EPHA6: variants seen among roughly 807,000 people sequenced by gnomAD.
EPHA6 encodes ephrin type-A receptor 6.
A neutral mutation model predicts 112.0 loss-of-function variants in EPHA6; 50 were observed. The observed-to-expected ratio is 0.45, with a 90% CI of 0.36 to 0.56. The LOEUF (loss-of-function observed/expected upper bound fraction) is 0.56. EPHA6 is among the 20% of genes least tolerant of loss of function. The pLI, the probability that EPHA6 is intolerant of heterozygous loss-of-function variation, is 0.00. For synonymous variants in EPHA6, 529 were observed against 490.7 expected, an observed-to-expected ratio of 1.08 and a Z score of -1.03; for missense variants, 1,280 against 1,417.4, an observed-to-expected ratio of 0.90 and a Z score of 1.56.
chr3:97,117,226 C>A (rs942545782), intron 3 of EPHA6, among the ~76,000 whole-genome samples: 31 of 151,614 alleles, frequency 2.0e-4, no homozygotes, highest in Middle Eastern at 3.4e-3. Flanking sequence ...TGGATATCAA[C>A]CTCTTATAAG....
At chr3:97,118,158 T>C (rs970260507) in intron 3 of EPHA6, among the ~76,000 whole-genome samples, 4 of 151,874 alleles carry the variant, frequency 2.6e-5, no homozygotes, top group Non-Finnish European at 5.9e-5. Context: ...AGCAACTTTA[T>C]ATACAAAAGA....
At chr3:96,852,379 A>T (rs1286435061) in intron 1 of EPHA6, among the ~76,000 whole-genome samples, 1 of 152,136 alleles carries the variant, frequency 6.6e-6, no homozygotes, top group East Asian at 1.9e-4. Context: ...CAGTGAGCTG[A>T]GATGGCACCA....
chr3:97,182,738 T>C (rs1355769604), intron 3 of EPHA6, among the ~76,000 whole-genome samples: 2 of 152,114 alleles, frequency 1.3e-5, no homozygotes, highest in East Asian at 3.9e-4. Flanking sequence ...GTTTTCTTCA[T>C]TGATATTTTA....
chr3:97,025,160 T>G (rs1267185433), intron 3 of EPHA6, among the ~76,000 whole-genome samples: 2 of 152,174 alleles, frequency 1.3e-5, no homozygotes, highest in African/African-American at 4.8e-5. Context: ...TTTATGAGGA[T>G]TAAATGAGAT....
chr3:97,451,109 T>G (rs1398933333), intron 7 of EPHA6, among the ~76,000 whole-genome samples: 1 of 151,944 alleles, frequency 6.6e-6, no homozygotes, highest in Non-Finnish European at 1.5e-5. Context: ...TGGTGGTAGA[T>G]GAAGGTGGAG....
intron 7 of EPHA6, among the ~76,000 whole-genome samples, chr3:97,456,460 C>T (rs893383524): frequency 6.6e-6 from 1 of 151,958 alleles, no homozygotes; most frequent in African/African-American, 2.4e-5. Context: ...TTGCATGCAC[C>T]TGGCAAGTAG....
chr3:97,507,409 CTATT>C (rs1370082227), intron 10 of EPHA6, among the ~76,000 whole-genome samples: 2 of 152,164 alleles, frequency 1.3e-5, no homozygotes, highest in Non-Finnish European at 2.9e-5. Flanking sequence ...TTTTCTGCAT[CTATT>C]AAGATATTCT....
At chr3:97,108,172 C>T (rs2047622312) in intron 3 of EPHA6, among the ~76,000 whole-genome samples, 1 of 152,088 alleles carries the variant, frequency 6.6e-6, no homozygotes, top group African/African-American at 2.4e-5. Flanking sequence ...GGATGTTACC[C>T]ACCACAGGAA....
At chr3:96,936,762 C>T (rs1418521892) in intron 2 of EPHA6, among the ~76,000 whole-genome samples, 1 of 152,108 alleles carries the variant, frequency 6.6e-6, no homozygotes, top group Non-Finnish European at 1.5e-5. Flanking sequence ...CTCACCACTC[C>T]TCCGACCCCA....
chr3:97,452,673 G>A (rs1198195321), intron 7 of EPHA6, among the ~76,000 whole-genome samples: 1 of 151,590 alleles, frequency 6.6e-6, no homozygotes, highest in East Asian at 1.9e-4. Flanking sequence ...TTTCTTGGGA[G>A]ATAGTTGGAA....
intron 15 of EPHA6, among the ~76,000 whole-genome samples, chr3:97,735,412 G>A (rs1480117554): frequency 6.6e-6 from 1 of 151,988 alleles, no homozygotes; most frequent in Non-Finnish European, 1.5e-5. Flanking sequence ...AAATGTAAGA[G>A]AATAGAAACT....
intron 10 of EPHA6, among the ~76,000 whole-genome samples, chr3:97,490,584 C>G (rs2091814312): frequency 3.9e-5 from 6 of 152,006 alleles, no homozygotes; most frequent in Admixed American, 3.9e-4. Context: ...AAAGAGTTCT[C>G]CAAGGATGTT....
intron 5 of EPHA6, among the ~76,000 whole-genome samples, chr3:97,289,464 C>T (rs2080600961): frequency 6.6e-6 from 1 of 152,076 alleles, no homozygotes. Context: ...CAGTACCATA[C>T]TCTTTTGGTT....
chr3:97,541,676 T>C (rs2107676026), intron 11 of EPHA6, among the ~76,000 whole-genome samples: 1 of 152,100 alleles, frequency 6.6e-6, no homozygotes, highest in Middle Eastern at 3.4e-3. Flanking sequence ...CACTAATCAG[T>C]TATTTTGTAG....
intron 12 of EPHA6, among the ~76,000 whole-genome samples, chr3:97,603,177 T>C (rs2093655837): frequency 6.6e-6 from 1 of 152,028 alleles, no homozygotes; most frequent in African/African-American, 2.4e-5. Context: ...TGTCAGTAAC[T>C]TTCATTGTTA....
chr3:97,165,517 A>G (rs1006235137), intron 3 of EPHA6, among the ~76,000 whole-genome samples: 2 of 152,148 alleles, frequency 1.3e-5, no homozygotes, highest in Admixed American at 1.3e-4. Context: ...GAGCAAATAT[A>G]TCTACAGTGT....
intron 2 of EPHA6, among the ~76,000 whole-genome samples, chr3:96,869,437 C>T (rs187009215): frequency 2.7e-5 from 4 of 149,840 alleles, no homozygotes; most frequent in Non-Finnish European, 4.4e-5. Flanking sequence ...AACTTCTAGG[C>T]GAAAGGAGTG....
At chr3:97,478,114 GA>G (rs11339211) in intron 8 of EPHA6, among the ~76,000 whole-genome samples, 28,766 of 151,660 alleles carry the variant, frequency 0.19, 4,110 homozygotes, top group African/African-American at 0.38. Flanking sequence ...ATTTACAATA[GA>G]AAAAAATCCT....
chr3:97,172,912 T>C (rs1177834789), intron 3 of EPHA6, among the ~76,000 whole-genome samples: 8 of 151,994 alleles, frequency 5.3e-5, no homozygotes, highest in Non-Finnish European at 1.0e-4. Context: ...AACAGAATGC[T>C]ATTCATTGCT....
Sources: gnomAD v4.1 joint callset for allele counts (sites outside exome capture counted in the v4.1 genomes callset) on GRCh38, gnomAD v4.1.1 for gene constraint, MANE v1.5 for transcripts, NCBI Gene and HGNC (gene_info 2026-07-23, HGNC 2026-07-21) for gene names.